TRPM2: variants seen among roughly 807,000 people sequenced by gnomAD.
The protein encoded by TRPM2 is transient receptor potential cation channel subfamily M member 2.
TRPM2 carries 161 observed loss-of-function variants against 174.0 expected under a neutral mutation model. The ratio of observed to expected loss-of-function variants is 0.93; its 90% CI spans 0.81 to 1.05. The LOEUF is 1.05. TRPM2 is among the 50% of genes least tolerant of loss of function. The pLI is 0.00. For synonymous variants in TRPM2, 954 were observed against 861.3 expected, an observed-to-expected ratio of 1.11 and a Z score of -1.88; for missense variants, 2,057 against 2,038.0, an observed-to-expected ratio of 1.01 and a Z score of -0.18.
rs758383503 is a variant in TRPM2 at position 44,423,682 on chromosome 21, C to T, written c.3499C>T (p.Leu1167=). The T allele has an allele frequency of 1.2e-5, 19 of 1,612,956 alleles. No homozygotes were observed. In the Admixed American group the frequency reaches 1.3e-4, roughly 11 times the overall value. The part of the protein sequence containing the change: ...AMVDLLDLDP[L]KRSGSMEQRL... ...GGTGGACCTGCTGGACCTGGACCCA[C>T]TGAAGAGGTCGGGCTCCATGGAGCA... Residue 1167 remains leucine, a synonymous_variant, in exon 23 of 32, where the codon CTG becomes TTG. Transcript: ENST00000397928.
chr21:44,406,136 C>T (rs1020642961), intron 18 of TRPM2, 99 bp downstream of exon 18: 2 of 1,476,690 alleles, frequency 1.4e-6, no homozygotes, highest in Non-Finnish European at 1.8e-6. Flanking sequence ...GGGGCTTAAA[C>T]ACACCTGTAG....
At chr21:44,418,284 C>A in intron 21 of TRPM2, 139 bp from the exon 22 acceptor site, 1 of 1,394,182 alleles carries the variant, frequency 7.2e-7, no homozygotes, top group Non-Finnish European at 9.6e-7. Context: ...CAGAGGCCCC[C>A]TTGGGGGCAG....
rs45457102 is a variant in TRPM2 at position 44,366,185 on chromosome 21, A to C, written c.424-569A>C. ...GGAGAGCCGTGTTCAGACGGGAGGC[A>C]GAGGAAGCTGGGCCCACTGAGTCCC... On this transcript the variant is annotated intron_variant, in intron 3 of 31. Transcript: ENST00000397928. The surrounding 1 kb of genome is among the most constrained non-coding windows in gnomAD (Gnocchi z 6.0). 0.16 allele frequency among the ~76,000 whole-genome samples: 24,300 copies of C among 151,726 alleles called. 2,238 individuals are homozygous for C. The highest frequency in any genetic ancestry group is 0.2 in the Non-Finnish European group (13,564 of 67,908).
rs770180377 is a variant in TRPM2 at position 44,353,835 on chromosome 21, G to A, written c.135G>A (p.Arg45=). 9 of 1,600,890 alleles carry A rather than the reference G, an allele frequency of 5.6e-6. No individual in the cohort carries two copies. The highest frequency in any genetic ancestry group is 1.4e-5 in the African/African-American group (1 of 73,904). ...RSNSSLFKSW[R]LQCPFGNNDK... ...ACAGCAGCCTCTTCAAGAGCTGGAGGCTACAGTGCCCCTTCGGCAACAATG... is the reference window on the plus strand; with the variant it reads ...ACAGCAGCCTCTTCAAGAGCTGGAGACTACAGTGCCCCTTCGGCAACAATG... The change falls in exon 1 of 32, where the codon AGG becomes AGA. Residue 45 remains arginine (R), a synonymous_variant. Transcript: ENST00000397928.
In TRPM2 at chr21:44,399,547, G is replaced by A. The variant is rs534576861; in HGVS notation, c.2208+106G>A. The A allele has an allele frequency of 2.9e-4, 418 of 1,435,920 alleles. 9 individuals carry two copies. In the South Asian group the frequency reaches 5.4e-3, roughly 19 times the overall value. 88.9% of individuals were successfully genotyped at this position (1,435,920 alleles called of 1,614,324 possible). On this transcript the variant is annotated intron_variant, in intron 14 of 31. Coordinates refer to ENST00000397928, the MANE Select transcript of TRPM2 (RefSeq NM_003307.4). This position sits in a 1 kb window ranked among gnomAD's most constrained non-coding sequence, Gnocchi z 4.6. ...GCACGCACACTCACACAGGCTTCAG[G>A]GCCCTCAGCAGCTCGGGGACAGCGC...
At chr21:44,381,134 G>A (rs1303825764) in intron 8 of TRPM2, among the ~76,000 whole-genome samples, 2 of 152,062 alleles carry the variant, frequency 1.3e-5, no homozygotes, top group East Asian at 3.9e-4. Flanking sequence ...GAGGTGGAGT[G>A]TGAGGAGCCC....
rs777970544 is a variant in TRPM2 at position 44,391,671 on chromosome 21, T to G, written c.1794+46T>G. 1 of 1,462,912 alleles carries G rather than the reference T, an allele frequency of 6.8e-7. No individual in the cohort carries two copies. The highest frequency in any genetic ancestry group is 1.3e-5 in the South Asian group (1 of 76,162). 90.6% of individuals were successfully genotyped at this position (1,462,912 alleles called of 1,614,324 possible). Reference sequence around the variant, plus strand: ...CCATCCTGGACTCGTCTTCGCGGGCTACTGCTATGTTCTTAGAGCTCTCTG... The same window carrying G: ...CCATCCTGGACTCGTCTTCGCGGGCGACTGCTATGTTCTTAGAGCTCTCTG... On this transcript the variant is annotated intron_variant, in intron 11 of 31. Transcript: ENST00000397928. The surrounding 1 kb of genome is among the most constrained non-coding windows in gnomAD (Gnocchi z 5.0).
At chr21:44,355,744 TAGA>T (rs1367572221) in intron 2 of TRPM2, among the ~76,000 whole-genome samples, 4 of 151,928 alleles carry the variant, frequency 2.6e-5, no homozygotes, top group Non-Finnish European at 5.9e-5. Context: ...GCTTGGGAAA[TAGA>T]AGAAGACTGT....
At chr21:44,394,288 A>C (rs1292149868) in intron 11 of TRPM2, among the ~76,000 whole-genome samples, 1 of 145,874 alleles carries the variant, frequency 6.9e-6, no homozygotes, top group Non-Finnish European at 1.5e-5. Flanking sequence ...GCTTATCTGT[A>C]CCTGTGGTTT....
In TRPM2 at chr21:44,366,809, A is replaced by G; in HGVS notation, c.479A>G (p.Gln160Arg). ...AGCGTGATCTACCACCTCATGACCC[A>G]GCACTGGGGGCTGGACGTCCCCAAT... ...PSSVIYHLMT[Q>R]HWGLDVPNLL... The change falls in exon 4 of 32, where the codon CAG becomes CGG. Residue 160 changes from glutamine (Q) to arginine (R), a missense_variant. Gln to Arg is a conservative substitution (Grantham distance 43). Coordinates refer to ENST00000397928, the MANE Select transcript of TRPM2 (RefSeq NM_003307.4). The surrounding 1 kb of genome is among the most constrained non-coding windows in gnomAD (Gnocchi z 6.0). The G allele has an allele frequency of 6.2e-7, 1 of 1,613,272 alleles. No individual in the cohort carries two copies. The highest frequency in any genetic ancestry group is 8.5e-7 in the Non-Finnish European group (1 of 1,179,898).
intron 18 of TRPM2, 68 bp downstream of exon 18, chr21:44,406,105 C>T: frequency 6.3e-7 from 1 of 1,577,344 alleles, no homozygotes; most frequent in Non-Finnish European, 8.6e-7. Context: ...GAGGGCAGGC[C>T]CCTTGCCAGT....
intron 12 of TRPM2, among the ~76,000 whole-genome samples, chr21:44,396,607 T>G (rs1337924774): frequency 1.5e-4 from 3 of 20,254 alleles, no homozygotes; most frequent in Admixed American, 1.2e-3. Context: ...GTGTAGAGGG[T>G]TGTGGAGGCT....
chr21:44,368,237 C>T (rs9982584), intron 4 of TRPM2, among the ~76,000 whole-genome samples: 8,465 of 151,770 alleles, frequency 0.056, 667 homozygotes, highest in African/African-American at 0.18. Flanking sequence ...CTCCTGCCTC[C>T]GCCTCCTGAG....
intron 18 of TRPM2, among the ~76,000 whole-genome samples, chr21:44,406,387 C>A (rs1197651217): frequency 6.6e-6 from 1 of 152,078 alleles, no homozygotes; most frequent in Non-Finnish European, 1.5e-5. Flanking sequence ...TATGTCTGAC[C>A]CCTCTTGCAC....
intron 8 of TRPM2, among the ~76,000 whole-genome samples, chr21:44,380,429 C>T (rs1001942157): frequency 6.6e-6 from 1 of 152,180 alleles, no homozygotes; most frequent in African/African-American, 2.4e-5. Flanking sequence ...GGAGCCCTCT[C>T]TCTGCTGGTT....
intron 5 of TRPM2, among the ~76,000 whole-genome samples, chr21:44,372,431 G>T (rs1037571161): frequency 6.6e-6 from 1 of 152,094 alleles, no homozygotes; most frequent in Non-Finnish European, 1.5e-5. Flanking sequence ...GGAGGCGGAG[G>T]TTGCAGCGAG....
At chr21:44,363,994 G>C in intron 2 of TRPM2, 120 bp from the exon 3 acceptor site, 1 of 1,075,272 alleles carries the variant, frequency 9.3e-7, no homozygotes, top group Non-Finnish European at 1.3e-6. Flanking sequence ...GGAAGGGCAG[G>C]TGCTTTGTTT....
Position 44,391,417 on chromosome 21 carries a change from C to T in TRPM2, c.1586C>T (p.Ser529Phe). The change falls in exon 11 of 32, where the codon TCC (serine) becomes TTC (phenylalanine). Residue 529 changes from serine to phenylalanine, a missense_variant. By Grantham distance (155) the Ser-to-Phe change is radical (BLOSUM62 -2). Coordinates refer to ENST00000397928, the MANE Select transcript of TRPM2 (RefSeq NM_003307.4). The surrounding 1 kb of genome is among the most constrained non-coding windows in gnomAD (Gnocchi z 5.0). ...TACCTGTACGAGAACCTGGACCCCT[C>T]CTGCCTGTTCCACAGCAAGCTGCAG... Reference protein sequence around the residue: ...LLYLYENLDPSCLFHSKLQKV... With the variant: ...LLYLYENLDPFCLFHSKLQKV... 1.2e-6 allele frequency: 2 copies of T among 1,614,096 alleles called. No individual in the cohort carries two copies. The highest frequency in any genetic ancestry group is 1.7e-6 in the Non-Finnish European group (2 of 1,180,058).
rs776061250 is a variant in TRPM2 at position 44,395,480 on chromosome 21, C to A, written c.1861C>A (p.Pro621Thr). The change falls in exon 12 of 32, where the codon CCC (proline) becomes ACC (threonine). Residue 621 changes from proline to threonine, a missense_variant. By Grantham distance (38) the Pro-to-Thr change is conservative (BLOSUM62 -1). Transcript: ENST00000397928. Reference sequence around the variant, plus strand: ...AGGCCATGTGACCTTCACCATGGACCCCATCCGTGACCTTCTCATTTGGGC... The same window carrying A: ...AGGCCATGTGACCTTCACCATGGACACCATCCGTGACCTTCTCATTTGGGC... ...SSGHVTFTMD[P>T]IRDLLIWAIV... 1 of 1,613,088 alleles carries A rather than the reference C, an allele frequency of 6.2e-7. No homozygotes were observed. Among genetic ancestry groups the A allele is most frequent in the Non-Finnish European group, 8.5e-7 (1 of 1,179,974 alleles).
Sources: gnomAD v4.1 joint callset for allele counts (sites outside exome capture counted in the v4.1 genomes callset) on GRCh38, gnomAD v4.1.1 for gene constraint, Gnocchi (gnomAD v3.1) non-coding constraint, MANE v1.5 for transcripts, NCBI Gene and HGNC (gene_info 2026-07-23, HGNC 2026-07-21) for gene names.